Variants in ZNF407 observed in about 807,000 individuals in gnomAD.
The protein encoded by ZNF407 is zinc finger protein 407.
ZNF407 carries 17 observed loss-of-function variants against 131.2 expected under a neutral mutation model. The observed-to-expected ratio is 0.13, with a 90% CI of 0.09 to 0.19. The LOEUF is 0.19. Ranked by LOEUF, ZNF407 falls within the 10% of genes least tolerant of loss-of-function variation. The pLI, the probability that ZNF407 is intolerant of heterozygous loss-of-function variation, is 1.00. For synonymous variants in ZNF407, 1,156 were observed against 1,062.0 expected (o/e 1.09, Z -1.72); for missense variants, 2,681 against 2,830.6 (o/e 0.95, Z 1.20).
At chr18:74,911,736 G>T (rs1971674901) in intron 7 of ZNF407, among the ~76,000 whole-genome samples, 1 of 152,022 alleles carries the variant, frequency 6.6e-6, no homozygotes, top group Non-Finnish European at 1.5e-5. Flanking sequence ...AGCCATCCAT[G>T]GCACACACAA....
intron 6 of ZNF407, among the ~76,000 whole-genome samples, chr18:74,888,318 A>C (rs954244763): frequency 6.6e-6 from 1 of 152,124 alleles, no homozygotes; most frequent in African/African-American, 2.4e-5. Context: ...TACATGTATA[A>C]TATTGTTTCC....
intron 4 of ZNF407, among the ~76,000 whole-genome samples, chr18:74,838,541 T>A (rs1407797555): frequency 6.6e-6 from 1 of 152,214 alleles, no homozygotes; most frequent in East Asian, 1.9e-4. Flanking sequence ...TTGACAGTTC[T>A]TTCTAGGAAG....
intron 4 of ZNF407, among the ~76,000 whole-genome samples, chr18:74,818,743 T>C (rs1417584198): frequency 6.6e-6 from 1 of 152,044 alleles, no homozygotes; most frequent in Admixed American, 6.6e-5. Flanking sequence ...GAGGAATAGA[T>C]TACATTCACT....
intron 8 of ZNF407, among the ~76,000 whole-genome samples, chr18:74,955,929 A>G (rs977253106): frequency 1.3e-5 from 2 of 152,222 alleles, no homozygotes; most frequent in African/African-American, 4.8e-5. Flanking sequence ...TTTTTTGTAC[A>G]TTACATGATT....
intron 4 of ZNF407, among the ~76,000 whole-genome samples, chr18:74,837,501 T>C (rs1970574585): frequency 1.3e-5 from 2 of 152,104 alleles, no homozygotes; most frequent in African/African-American, 2.4e-5. Context: ...CAAGATGAAA[T>C]ATCAACCACT....
chr18:74,737,164 AATTT>A (rs1282487829), intron 3 of ZNF407, among the ~76,000 whole-genome samples: 4 of 152,296 alleles, frequency 2.6e-5, no homozygotes, highest in East Asian at 1.9e-4. Flanking sequence ...ATACATCTAT[AATTT>A]ATTTATTCAA....
At chr18:74,938,818 G>A (rs1972067147) in intron 8 of ZNF407, among the ~76,000 whole-genome samples, 1 of 152,210 alleles carries the variant, frequency 6.6e-6, no homozygotes, top group Non-Finnish European at 1.5e-5. Context: ...GCTAGGGCCT[G>A]AAATTATGGT....
chr18:74,808,631 T>A (rs991635669), intron 4 of ZNF407, among the ~76,000 whole-genome samples: 1 of 152,214 alleles, frequency 6.6e-6, no homozygotes, highest in Non-Finnish European at 1.5e-5. Context: ...AATAGAGTTC[T>A]AATGATTATT....
At chr18:74,598,280 C>G (rs915709034) in intron 1 of ZNF407, 1 of 152,282 alleles carries the variant, frequency 6.6e-6, no homozygotes, top group Non-Finnish European at 1.5e-5. Context: ...CGCGCCCTTG[C>G]GCGAGCGGAG....
intron 3 of ZNF407, among the ~76,000 whole-genome samples, chr18:74,672,366 T>C (rs1001760065): frequency 3.3e-5 from 5 of 152,252 alleles, no homozygotes; most frequent in African/African-American, 1.2e-4. Flanking sequence ...GAAATGTGTC[T>C]GTTCGTTGGA....
chr18:74,787,677 G>A (rs561089457), intron 4 of ZNF407, among the ~76,000 whole-genome samples: 5 of 152,262 alleles, frequency 3.3e-5, no homozygotes, highest in African/African-American at 1.2e-4. Context: ...TTGATGTCAC[G>A]ATTCCTTCTT....
At chr18:74,781,319 G>A (rs145036124) in intron 3 of ZNF407, 109 bp from the exon 4 acceptor site, 16 of 768,820 alleles carry the variant, frequency 2.1e-5, no homozygotes, top group Non-Finnish European at 2.9e-5. Flanking sequence ...ACTGTAATAC[G>A]CTTTTTATGT....
chr18:74,711,916 G>A (rs910905262), intron 3 of ZNF407, among the ~76,000 whole-genome samples: 1 of 152,060 alleles, frequency 6.6e-6, no homozygotes, highest in Non-Finnish European at 1.5e-5. Flanking sequence ...CACCATGTTG[G>A]CCAGGCTGGT....
chr18:74,986,953 G>A (rs902676380), intron 8 of ZNF407, among the ~76,000 whole-genome samples: 2 of 151,782 alleles, frequency 1.3e-5, no homozygotes, highest in African/African-American at 2.4e-5. Context: ...TGTTCATATA[G>A]GATATTGTGT....
intron 6 of ZNF407, among the ~76,000 whole-genome samples, chr18:74,889,282 C>CTGTA (rs146116871): frequency 3.3e-5 from 5 of 151,774 alleles, no homozygotes; most frequent in Non-Finnish European, 7.4e-5. Context: ...CTGTGTCTGT[C>CTGTA]TGTCTGTCTG....
chr18:74,653,922 C>A (rs1985338251), intron 3 of ZNF407, among the ~76,000 whole-genome samples: 1 of 151,668 alleles, frequency 6.6e-6, no homozygotes, highest in African/African-American at 2.4e-5. Flanking sequence ...ATATATTATT[C>A]ATTGGACTCC....
At chr18:74,902,049 G>A (rs1971532859) in intron 7 of ZNF407, among the ~76,000 whole-genome samples, 2 of 152,108 alleles carry the variant, frequency 1.3e-5, no homozygotes, top group African/African-American at 4.8e-5. Context: ...AGCCATAGAA[G>A]GAGGAAGCTT....
chr18:74,851,789 G>C lies in ZNF407; in HGVS notation c.4878-25408G>C, dbSNP rs17055745. Among the ~76,000 whole-genome samples, 655 of 152,298 alleles carry C rather than the reference G, an allele frequency of 4.3e-3. 4 individuals carry two copies. The highest frequency in any genetic ancestry group is 0.014 in the African/African-American group (602 of 41,550). ...ATTATTTAGGACACAATCAGCAAGAGTGAACAATACAGAACAAAACGATGC... is the reference window on the plus strand; with the variant it reads ...ATTATTTAGGACACAATCAGCAAGACTGAACAATACAGAACAAAACGATGC... On this transcript the variant is annotated intron_variant, in intron 4 of 8. Transcript: ENST00000299687.
At chr18:74,999,708 G>A (rs1972823352) in intron 8 of ZNF407, among the ~76,000 whole-genome samples, 1 of 152,180 alleles carries the variant, frequency 6.6e-6, no homozygotes. Flanking sequence ...AAATTTATAT[G>A]AATATGAGTC....
Sources: allele counts gnomAD v4.1 joint callset (sites outside exome capture counted in the v4.1 genomes callset), GRCh38; gene constraint gnomAD v4.1.1; transcripts MANE v1.5; gene names NCBI Gene and HGNC (gene_info 2026-07-23, HGNC 2026-07-21).